The following FHAD1 variants were observed in gnomAD, a reference collection of about 807,000 sequenced individuals.
FHAD1 encodes the protein forkhead-associated domain-containing protein 1.
Under a neutral mutation model 191.3 loss-of-function variants are expected in FHAD1, and 146 were observed. The ratio of observed to expected loss-of-function variants is 0.76; its 90% CI spans 0.67 to 0.88. The LOEUF (loss-of-function observed/expected upper bound fraction) is 0.88, where lower values mean the gene tolerates loss of function less well. FHAD1 is among the 40% of genes least tolerant of loss of function. The pLI is 0.00. For synonymous variants in FHAD1, 616 were observed against 672.3 expected (o/e 0.92, Z 1.29); for missense variants, 1,635 against 1,785.8 (o/e 0.92, Z 1.52).
chr1:15,248,449 G>A (rs1156374812), intron 1 of FHAD1, among the ~76,000 whole-genome samples: 2 of 152,128 alleles, frequency 1.3e-5, no homozygotes, highest in Non-Finnish European at 1.5e-5. Flanking sequence ...GGTGATGCAG[G>A]ACAGCTCAGG....
At chr1:15,402,384 TG>T (rs201519468), downstream of FHAD1, among the ~76,000 whole-genome samples, 632 of 152,342 alleles carry the variant, frequency 4.1e-3, 4 homozygotes, top group African/African-American at 0.014. Context: ...GTGCACAACG[TG>T]CAGGTTTGTT....
chr1:15,262,656 A>G (rs1651615221), intron 2 of FHAD1, among the ~76,000 whole-genome samples: 1 of 152,156 alleles, frequency 6.6e-6, no homozygotes, highest in Non-Finnish European at 1.5e-5. Context: ...GCTAAATAAC[A>G]TCCATTGTTT....
At chr1:15,384,991 T>C (rs2473336) in intron 31 of FHAD1, among the ~76,000 whole-genome samples, 57,677 of 149,984 alleles carry the variant, frequency 0.38, 14,031 homozygotes, top group African/African-American at 0.7. Context: ...TCATCCCCCC[T>C]ATTCCTTTCC....
In FHAD1 at chr1:15,311,532, G is replaced by T. The variant is rs996230854; in HGVS notation, c.1040-1525G>T. Among the ~76,000 whole-genome samples, 1 of 152,188 alleles carries T rather than the reference G, an allele frequency of 6.6e-6. No homozygotes were observed. Among genetic ancestry groups the T allele is most frequent in the Non-Finnish European group, 1.5e-5 (1 of 68,042 alleles). On this transcript the variant is annotated intron_variant, in intron 7 of 33. Coordinates refer to ENST00000688493, the MANE Select transcript of FHAD1 (RefSeq NM_001391957.1). This position sits in a 1 kb window ranked among gnomAD's most constrained non-coding sequence, Gnocchi z 4.1. Reference sequence around the variant, plus strand: ...AGCATGCAGGCAAGCCCCAGAGAGAGCAGTCTGTTTCTAAGGAACTTAACT... The same window carrying T: ...AGCATGCAGGCAAGCCCCAGAGAGATCAGTCTGTTTCTAAGGAACTTAACT...
At chr1:15,396,857 A>G (rs140189626) in intron 33 of FHAD1, among the ~76,000 whole-genome samples, 111 of 151,948 alleles carry the variant, frequency 7.3e-4, no homozygotes, top group Admixed American at 1.9e-3. Context: ...ACAATAAAAT[A>G]CATGGGAAGT....
rs1428363297 is a variant in FHAD1 at position 15,388,081 on chromosome 1, G to A, written c.4219G>A (p.Ala1407Thr). Residue 1407 changes from alanine (A) to threonine (T), a missense_variant, in exon 32 of 34, where the codon GCA (alanine) becomes ACA (threonine). Transcript: ENST00000688493. ...ESVEEHELRN[A>T]KESTPCNCAF... Reference sequence around the variant, plus strand: ...TGTAGAGGAGCACGAACTGAGAAACGCAAAAGAATCGACACCTTGCAACTG... The same window carrying A: ...TGTAGAGGAGCACGAACTGAGAAACACAAAAGAATCGACACCTTGCAACTG... 6 of 1,289,874 alleles carry A rather than the reference G, an allele frequency of 4.7e-6. No homozygotes were observed. The highest frequency in any genetic ancestry group is 2.1e-4 in the Middle Eastern group (1 of 4,692). 79.9% of individuals were successfully genotyped at this position (1,289,874 alleles called of 1,614,324 possible). A position where few individuals can be genotyped will look rare whatever the true frequency, so the allele number is the denominator to read the frequency against.
At chr1:15,264,868 T>G (rs895164212) in intron 2 of FHAD1, among the ~76,000 whole-genome samples, 4 of 152,176 alleles carry the variant, frequency 2.6e-5, no homozygotes, top group Admixed American at 6.5e-5. Context: ...TATTTTTTTG[T>G]GTTTTCATCA....
chr1:15,326,581 G>C (rs986648417), intron 11 of FHAD1: 1 of 153,012 alleles, frequency 6.5e-6, no homozygotes, highest in African/African-American at 2.4e-5. Flanking sequence ...GAACAGAGTG[G>C]ACATAGTCTT....
At chr1:15,251,727 G>T (rs1265700104) in intron 1 of FHAD1, 44 bp from the exon 2 acceptor site, 2 of 1,409,474 alleles carry the variant, frequency 1.4e-6, no homozygotes, top group Admixed American at 4.5e-5. Flanking sequence ...AATAATTAGA[G>T]AACTACATTT....
rs534093392 is a variant in FHAD1, at chr1:15,317,370, A to G, written c.1261-454A>G. On this transcript the variant is annotated intron_variant, in intron 9 of 33. Transcript: ENST00000688493. ...CAGCTTCTCCAACTTGCTCTTCCCC[A>G]CGCCAGCACCGTTCCTCCAGGCCAG... 3.3e-5 allele frequency among the ~76,000 whole-genome samples: 5 copies of G among 152,296 alleles called. No individual in the cohort carries two copies. In the East Asian group the frequency reaches 9.6e-4, roughly 29 times the overall value.
intron 28 of FHAD1, 25 bp downstream of exon 28, chr1:15,375,755 T>C: frequency 6.6e-7 from 1 of 1,520,578 alleles, no homozygotes; most frequent in Non-Finnish European, 8.8e-7. Context: ...TTCTCTCTGC[T>C]GTGACTGGCA....
chr1:15,393,405 C>T (rs544591203), intron 33 of FHAD1, among the ~76,000 whole-genome samples: 1 of 145,598 alleles, frequency 6.9e-6, no homozygotes, highest in Non-Finnish European at 1.5e-5. Context: ...GCCATATCTA[C>T]ATAGATGTGG....
chr1:15,388,336 C>CATTA (rs762916198), intron 32 of FHAD1: 1 of 620,142 alleles, frequency 1.6e-6, no homozygotes, highest in Non-Finnish European at 2.1e-6. Context: ...TCCCTCCCTC[C>CATTA]CCTCCCCAGG....
intron 19 of FHAD1, among the ~76,000 whole-genome samples, chr1:15,352,114 T>C (rs1691114047): frequency 6.6e-6 from 1 of 152,034 alleles, no homozygotes; most frequent in Admixed American, 6.6e-5. Context: ...TAATCCCAAT[T>C]CCCCCCAAAA....
intron 31 of FHAD1, chr1:15,383,333 C>T (rs983981525): frequency 2.5e-5 from 11 of 437,212 alleles, no homozygotes; most frequent in South Asian, 1.5e-4. Flanking sequence ...TGGCACCAGC[C>T]GGCGGACACT....
intron 33 of FHAD1, among the ~76,000 whole-genome samples, chr1:15,392,468 C>T (rs1041498663): frequency 6.6e-6 from 1 of 152,090 alleles, no homozygotes; most frequent in Middle Eastern, 3.4e-3. Flanking sequence ...GGAGGCGGAG[C>T]TTGCAGTGAG....
chr1:15,322,725 A>C (rs1676725518), intron 10 of FHAD1, among the ~76,000 whole-genome samples: 1 of 152,200 alleles, frequency 6.6e-6, no homozygotes, highest in Non-Finnish European at 1.5e-5. Flanking sequence ...CTGCCCCACC[A>C]CTTGGTAACC....
At chr1:15,380,560 A>G in intron 28 of FHAD1, 141 bp from the exon 29 acceptor site, 1 of 646,350 alleles carries the variant, frequency 1.5e-6, no homozygotes, top group Non-Finnish European at 2.7e-6. Context: ...TGACAAAGGA[A>G]TCAGACGGAA....
chr1:15,388,530 A>G, intron 32 of FHAD1: 1 of 336,768 alleles, frequency 3.0e-6, no homozygotes, highest in Non-Finnish European at 4.8e-6. Context: ...GAGAAGAAAG[A>G]AGGGAGGAGT....
Sources: allele counts gnomAD v4.1 joint callset (sites outside exome capture counted in the v4.1 genomes callset), GRCh38; gene constraint gnomAD v4.1.1; non-coding constraint Gnocchi (gnomAD v3.1); transcripts MANE v1.5; gene names NCBI Gene and HGNC (gene_info 2026-07-23, HGNC 2026-07-21).